Variants in DOCK3 observed in about 807,000 individuals in gnomAD.
The protein encoded by DOCK3 is dedicator of cytokinesis protein 3.
In DOCK3, 60 loss-of-function variants were observed where a neutral mutation model predicts 265.6. The ratio of observed to expected loss-of-function variants is 0.23; its 90% confidence interval spans 0.18 to 0.28. DOCK3 has a LOEUF of 0.28. DOCK3 is among the 10% of genes least tolerant of loss of function. The pLI is 1.00. For synonymous variants in DOCK3, 881 were observed against 938.0 expected (o/e 0.94, Z 1.11); for missense variants, 1,981 against 2,594.3 (o/e 0.76, Z 5.14).
At chr3:50,844,938 T>C (rs1214576326) in intron 3 of DOCK3, among the ~76,000 whole-genome samples, 1 of 152,164 alleles carries the variant, frequency 6.6e-6, no homozygotes, top group African/African-American at 2.4e-5. Context: ...ATATTAACTT[T>C]CTGGCCAGGC....
chr3:51,180,642 T>C (rs1226025820), intron 12 of DOCK3, among the ~76,000 whole-genome samples: 2 of 152,212 alleles, frequency 1.3e-5, no homozygotes, highest in Non-Finnish European at 2.9e-5. Flanking sequence ...CAGGATAATC[T>C]CCTTATCTCA....
chr3:50,732,155 A>T (rs191364964), intron 1 of DOCK3, among the ~76,000 whole-genome samples: 40 of 152,240 alleles, frequency 2.6e-4, no homozygotes, highest in African/African-American at 9.6e-4. Flanking sequence ...AAAACCAAAC[A>T]CCACATATAT....
At chr3:50,763,914 T>C (rs998276501) in intron 1 of DOCK3, among the ~76,000 whole-genome samples, 1 of 152,150 alleles carries the variant, frequency 6.6e-6, no homozygotes, top group Non-Finnish European at 1.5e-5. Context: ...CTTAGAGCAC[T>C]TTTTCTCACC....
At chr3:50,998,911 G>A (rs2078374983) in intron 5 of DOCK3, among the ~76,000 whole-genome samples, 1 of 152,182 alleles carries the variant, frequency 6.6e-6, no homozygotes, top group Non-Finnish European at 1.5e-5. Flanking sequence ...CTGGTTAATT[G>A]TAAAACTTGA....
chr3:51,165,053 C>T (rs1267618451), intron 12 of DOCK3, among the ~76,000 whole-genome samples: 2 of 149,190 alleles, frequency 1.3e-5, no homozygotes, highest in African/African-American at 2.5e-5. Context: ...ATTCTCCTCT[C>T]TCAGCCTCCC....
At chr3:50,921,966 A>C (rs2050496788) in intron 4 of DOCK3, among the ~76,000 whole-genome samples, 1 of 152,070 alleles carries the variant, frequency 6.6e-6, no homozygotes, top group African/African-American at 2.4e-5. Context: ...GTCAGCCCTT[A>C]CTGGGAGGTA....
In DOCK3 at chr3:50,803,543, A is replaced by G. The variant is rs186213145; in HGVS notation, c.121+24785A>G. On this transcript the variant is annotated intron_variant, in intron 2 of 52. Transcript: ENST00000266037. ...CACACTTCCCCCCCTTCCACTCAAC[A>G]AAACTGCCATCGTCATCATGGCCTG... Among the ~76,000 whole-genome samples the G allele has an allele frequency of 2.6e-5, 4 of 151,780 alleles. No homozygotes were observed. In the East Asian group the frequency reaches 7.7e-4, roughly 29 times the overall value.
At chr3:51,064,667 C>G (rs895649520) in intron 6 of DOCK3, 71 bp downstream of exon 6, 1 of 1,529,190 alleles carries the variant, frequency 6.5e-7, no homozygotes. Context: ...GAGTTTGCAC[C>G]TATACAAAGC....
chr3:50,936,296 A>G (rs1014680940), intron 5 of DOCK3, among the ~76,000 whole-genome samples: 5 of 151,948 alleles, frequency 3.3e-5, no homozygotes, highest in Admixed American at 3.3e-4. Context: ...CTCTGCTTCC[A>G]GAGACCTGTG....
In DOCK3 at chr3:50,869,067, C is replaced by T. The variant is rs544225236; in HGVS notation, c.163-20959C>T. Among the ~76,000 whole-genome samples the T allele has an allele frequency of 9.4e-5, 14 of 149,278 alleles. No individual in the cohort carries two copies. The South Asian group carries it at 1.5e-3, about 16-fold the overall frequency. On this transcript the variant is annotated intron_variant, in intron 3 of 52. Transcript: ENST00000266037. Reference sequence around the variant, plus strand: ...TCGGCTCACTGCAAGCTCTGCCTCCCGGGTTCACGCCATTCTCCTGCCTCA... The same window carrying T: ...TCGGCTCACTGCAAGCTCTGCCTCCTGGGTTCACGCCATTCTCCTGCCTCA...
chr3:51,041,464 G>A (rs904995641), intron 5 of DOCK3, among the ~76,000 whole-genome samples: 12 of 151,414 alleles, frequency 7.9e-5, no homozygotes, highest in African/African-American at 1.7e-4. Flanking sequence ...TGATTTGCCC[G>A]CCTCAGCTTC....
chr3:50,944,390 A>G (rs957573402), intron 5 of DOCK3, among the ~76,000 whole-genome samples: 10 of 152,222 alleles, frequency 6.6e-5, no homozygotes, highest in Non-Finnish European at 1.5e-4. Context: ...CCTCTTCTCA[A>G]TACTGCACTT....
chr3:50,918,345 A>G (rs2050242715), intron 4 of DOCK3, among the ~76,000 whole-genome samples: 1 of 152,200 alleles, frequency 6.6e-6, no homozygotes, highest in African/African-American at 2.4e-5. Flanking sequence ...ACTGTCTTCC[A>G]TAATGGTTGA....
At chr3:51,294,379 A>T (rs1324226055) in intron 27 of DOCK3, among the ~76,000 whole-genome samples, 4 of 151,930 alleles carry the variant, frequency 2.6e-5, no homozygotes, top group African/African-American at 4.8e-5. Flanking sequence ...TGTAGAATCT[A>T]AAAAAAATTG....
chr3:50,729,686 CTAAT>C (rs767923398), intron 1 of DOCK3, among the ~76,000 whole-genome samples: 1 of 151,938 alleles, frequency 6.6e-6, no homozygotes, highest in African/African-American at 2.4e-5. Flanking sequence ...CCATACCAGA[CTAAT>C]TAATTTTTTT....
intron 5 of DOCK3, among the ~76,000 whole-genome samples, chr3:51,013,805 CA>C (rs1488986612): frequency 1.3e-5 from 2 of 152,322 alleles, no homozygotes; most frequent in East Asian, 3.9e-4. Flanking sequence ...AGTCGGGCCT[CA>C]TTGAGCTGTG....
Position 51,381,037 on chromosome 3 carries a change from C to T in DOCK3, c.5584-13C>T. 6.4e-7 allele frequency: 1 copy of T among 1,571,100 alleles called. No individual in the cohort carries two copies. Among genetic ancestry groups the T allele is most frequent in the Non-Finnish European group, 8.6e-7 (1 of 1,156,308 alleles). ...AGAGAGGGATTCTAACATGCCCACC[C>T]TTTCCTTCGCAGTCTCCTCTCCACC... is the stretch of plus-strand genomic sequence containing the variant. On this transcript the variant is annotated splice_polypyrimidine_tract_variant and intron_variant, in intron 52 of 52. Transcript: ENST00000266037. This position sits in a 1 kb window ranked among gnomAD's most constrained non-coding sequence, Gnocchi z 5.6.
At chr3:50,793,228 G>T (rs1207451795) in intron 2 of DOCK3, among the ~76,000 whole-genome samples, 1 of 151,934 alleles carries the variant, frequency 6.6e-6, no homozygotes, top group East Asian at 1.9e-4. Flanking sequence ...ATGGTTATTT[G>T]AATTTTTTTG....
At chr3:51,221,231 C>A (rs1576451081) in intron 14 of DOCK3, among the ~76,000 whole-genome samples, 1 of 152,130 alleles carries the variant, frequency 6.6e-6, no homozygotes, top group Admixed American at 6.6e-5. Context: ...ATAACATAGC[C>A]CCAGGTTCAT....
Sources: allele counts gnomAD v4.1 joint callset (sites outside exome capture counted in the v4.1 genomes callset), GRCh38; gene constraint gnomAD v4.1.1; non-coding constraint Gnocchi (gnomAD v3.1); transcripts MANE v1.5; gene names NCBI Gene and HGNC (gene_info 2026-07-23, HGNC 2026-07-21).